CALD1: variants seen among roughly 807,000 people sequenced by gnomAD.
The protein encoded by CALD1 is caldesmon 1.
CALD1 carries 33 observed loss-of-function variants against 99.9 expected under a neutral mutation model. The observed-to-expected ratio is 0.33, with a 90% confidence interval of 0.25 to 0.44. CALD1 has a LOEUF of 0.44. CALD1 is among the 20% of genes least tolerant of loss of function. The pLI is 1.00. For missense variants in CALD1, 861 were observed against 962.1 expected (o/e 0.89, Z 1.39); for synonymous variants, 310 against 325.0 (o/e 0.95, Z 0.50).
intron 3 of CALD1, among the ~76,000 whole-genome samples, chr7:134,917,370 C>T (rs925912914): frequency 3.9e-5 from 6 of 151,932 alleles, no homozygotes; most frequent in Admixed American, 1.3e-4. Context: ...TTTTTTGAGA[C>T]GGAGTTTTGT....
At chr7:134,812,063 G>A (rs1426228754) in intron 1 of CALD1, among the ~76,000 whole-genome samples, 1 of 152,162 alleles carries the variant, frequency 6.6e-6, no homozygotes, top group Admixed American at 6.6e-5. Context: ...ATGTTTAAGG[G>A]ACTTAAGGTT....
intron 1 of CALD1, among the ~76,000 whole-genome samples, chr7:134,823,798 T>G (rs1472026776): frequency 6.6e-6 from 1 of 152,212 alleles, no homozygotes; most frequent in Non-Finnish European, 1.5e-5. Context: ...TTTTGGGGTG[T>G]TCATGTATTT....
chr7:134,815,656 TA>T (rs1337462627), intron 1 of CALD1, among the ~76,000 whole-genome samples: 1 of 152,164 alleles, frequency 6.6e-6, no homozygotes, highest in Admixed American at 6.5e-5. Flanking sequence ...TATGAGGTCC[TA>T]TACCAAAATT....
rs1306132001 is a variant in CALD1 at position 134,800,643 on chromosome 7, A to G, written c.-130+20894A>G. The stretch of plus-strand genomic sequence containing the variant: ...GGGTCTCATTAATAGCATATAGATA[A>G]ATTTCAAAATCTAGTCACAGAGATT... On this transcript the variant is annotated intron_variant, in intron 1 of 14. Coordinates refer to ENST00000361675, the MANE Select transcript of CALD1 (RefSeq NM_033138.4). Among the ~76,000 whole-genome samples the G allele has an allele frequency of 2.6e-5, 4 of 152,030 alleles. No individual in the cohort carries two copies. In the South Asian group the frequency reaches 8.3e-4, roughly 31 times the overall value.
intron 3 of CALD1, among the ~76,000 whole-genome samples, chr7:134,910,083 A>G (rs1168184702): frequency 6.6e-6 from 1 of 152,214 alleles, no homozygotes; most frequent in Non-Finnish European, 1.5e-5. Flanking sequence ...TAGTCAATAT[A>G]GTGTTCCGAT....
upstream of CALD1, among the ~76,000 whole-genome samples, chr7:134,776,636 AC>A (rs1446384861): frequency 6.6e-6 from 1 of 152,150 alleles, no homozygotes. Context: ...TGTTTGATAA[AC>A]CTGGGTGTTG....
chr7:134,814,419 G>T (rs895329728), intron 1 of CALD1, among the ~76,000 whole-genome samples: 2 of 152,250 alleles, frequency 1.3e-5, no homozygotes, highest in South Asian at 4.1e-4. Flanking sequence ...AAGTCCTGGG[G>T]GTCTTGCAGA....
At chr7:134,942,883 C>A (rs1444471100) in intron 7 of CALD1, among the ~76,000 whole-genome samples, 1 of 152,022 alleles carries the variant, frequency 6.6e-6, no homozygotes, top group Admixed American at 6.6e-5. Flanking sequence ...AATTAACATG[C>A]CTATTGTGTA....
chr7:134,792,819 G>C (rs1242853078), intron 1 of CALD1, among the ~76,000 whole-genome samples: 1 of 152,152 alleles, frequency 6.6e-6, no homozygotes, highest in Non-Finnish European at 1.5e-5. Flanking sequence ...ATTTTCTGAA[G>C]CTCAAGTGCC....
At chr7:134,717,359 TG>T in the CALD1 span, among the ~76,000 whole-genome samples, 1 of 152,150 alleles carries the variant, frequency 6.6e-6, no homozygotes, top group Non-Finnish European at 1.5e-5. Flanking sequence ...TTTAATAAGC[TG>T]AAAAAGCCCA....
chr7:134,727,255 T>C, the CALD1 span, among the ~76,000 whole-genome samples: 1 of 152,272 alleles, frequency 6.6e-6, no homozygotes, highest in African/African-American at 2.4e-5. Context: ...ATTCAGATTC[T>C]ACTGATGTTA....
intron 1 of CALD1, among the ~76,000 whole-genome samples, chr7:134,805,491 G>A (rs1001158166): frequency 3.9e-5 from 6 of 151,912 alleles, no homozygotes; most frequent in African/African-American, 1.5e-4. Context: ...TATGCCCCTG[G>A]AAATATCATT....
chr7:134,813,170 G>A (rs1331127957), intron 1 of CALD1, among the ~76,000 whole-genome samples: 1 of 152,132 alleles, frequency 6.6e-6, no homozygotes, highest in African/African-American at 2.4e-5. Context: ...GGATGGTAGA[G>A]AAAAAGCCTG....
At chr7:134,755,047 C>T (rs1261428605) in intron 1 of CALD1, among the ~76,000 whole-genome samples, 1 of 152,074 alleles carries the variant, frequency 6.6e-6, no homozygotes, top group Non-Finnish European at 1.5e-5. Flanking sequence ...GTCACCCAGG[C>T]TGGAGTGCAG....
chr7:134,754,087 C>A (rs897704481), intron 1 of CALD1, among the ~76,000 whole-genome samples: 2 of 152,152 alleles, frequency 1.3e-5, no homozygotes, highest in Admixed American at 1.3e-4. Context: ...CCAGCCCATC[C>A]ATCTAGATAG....
chr7:134,905,596 T>C (rs1170924618), intron 3 of CALD1, among the ~76,000 whole-genome samples: 2 of 151,768 alleles, frequency 1.3e-5, no homozygotes, highest in Non-Finnish European at 2.9e-5. Context: ...AGTGGGTGAA[T>C]CTGGCAGCAG....
chr7:134,824,693 T>C (rs1798918494), intron 1 of CALD1, among the ~76,000 whole-genome samples: 1 of 152,212 alleles, frequency 6.6e-6, no homozygotes, highest in African/African-American at 2.4e-5. Context: ...CTGTGGCATT[T>C]GATACACAAT....
intron 3 of CALD1, among the ~76,000 whole-genome samples, chr7:134,891,963 G>T (rs1242164815): frequency 6.6e-6 from 1 of 152,050 alleles, no homozygotes; most frequent in Admixed American, 6.5e-5. Context: ...GGGTTTCTCC[G>T]TTTCAAATAC....
chr7:134,959,537 A>G (rs1315873307), intron 11 of CALD1, among the ~76,000 whole-genome samples: 2 of 152,080 alleles, frequency 1.3e-5, no homozygotes, highest in African/African-American at 2.4e-5. Context: ...TACAAAATAG[A>G]GAGAGGCCTA....
Sources: gnomAD v4.1 joint callset for allele counts (sites outside exome capture counted in the v4.1 genomes callset) on GRCh38, gnomAD v4.1.1 for gene constraint, MANE v1.5 for transcripts, NCBI Gene and HGNC (gene_info 2026-07-23, HGNC 2026-07-21) for gene names.